NLRC3: variants seen among roughly 807,000 people sequenced by gnomAD.
The protein encoded by NLRC3 is NLR family CARD domain containing 3, also known as NLR family CARD domain-containing protein 3.
A neutral mutation model predicts 91.6 loss-of-function variants in NLRC3; 87 were observed. The ratio of observed to expected loss-of-function variants is 0.95; its 90% confidence interval spans 0.80 to 1.14. The LOEUF (loss-of-function observed/expected upper bound fraction) is 1.14, where lower values mean the gene tolerates loss of function less well. Among genes scored for constraint, NLRC3 ranks in the 50% most tolerant of loss-of-function variants. NLRC3 has a pLI of 0.00. For missense variants in NLRC3, 1,577 were observed against 1,418.6 expected, an observed-to-expected ratio of 1.11 and a Z score of -1.79; for synonymous variants, 694 against 625.3, an observed-to-expected ratio of 1.11 and a Z score of -1.64.
At chr16:3,547,672 A>G (rs530605016) in intron 15 of NLRC3, among the ~76,000 whole-genome samples, 6 of 151,458 alleles carry the variant, frequency 4.0e-5, no homozygotes, top group East Asian at 1.9e-4. Flanking sequence ...ATATGTGTGT[A>G]TATATATATA....
intron 14 of NLRC3, 137 bp downstream of exon 14, chr16:3,548,533 A>C (rs112125781): frequency 2.7e-5 from 18 of 665,786 alleles, no homozygotes; most frequent in African/African-American, 2.2e-4. Flanking sequence ...TGCTGGCAGC[A>C]GGCTAGCCCG....
chr16:3,543,388 T>C, intron 17 of NLRC3, 37 bp downstream of exon 17: 1 of 1,413,628 alleles, frequency 7.1e-7, no homozygotes, highest in East Asian at 2.3e-5. Context: ...TTGATTTCTT[T>C]GGGCTAAAGA....
intron 6 of NLRC3, 65 bp downstream of exon 6, chr16:3,561,637 T>C (rs1293711776): frequency 2.7e-6 from 3 of 1,111,530 alleles, no homozygotes; most frequent in Admixed American, 3.5e-5. Context: ...CAGAGGATGA[T>C]GGGAAGAGGG....
At chr16:3,570,166 A>C (rs1317772811) in intron 1 of NLRC3, among the ~76,000 whole-genome samples, 1 of 149,368 alleles carries the variant, frequency 6.7e-6, no homozygotes, top group Admixed American at 6.7e-5. Flanking sequence ...GGTAGTTTAC[A>C]CTTTTTTTTT....
chr16:3,569,388 A>ATTTT (rs1567153849), intron 1 of NLRC3, among the ~76,000 whole-genome samples: 3 of 104,122 alleles, frequency 2.9e-5, no homozygotes, highest in African/African-American at 9.3e-5. Flanking sequence ...ATATATATAT[A>ATTTT]TATATATTAT....
intron 1 of NLRC3, among the ~76,000 whole-genome samples, chr16:3,569,628 C>T (rs1179262678): frequency 1.3e-5 from 2 of 151,730 alleles, no homozygotes; most frequent in East Asian, 3.9e-4. Context: ...GAACTCCTGA[C>T]CTCAAGTGAT....
chr16:3,549,901 G>A, intron 11 of NLRC3, 121 bp from the exon 12 acceptor site: 1 of 637,162 alleles, frequency 1.6e-6, no homozygotes, highest in South Asian at 1.9e-5. Context: ...AGGGACAGTG[G>A]TGGCCACACT....
In NLRC3 at chr16:3,564,591, C is replaced by T. The variant is rs762408513; in HGVS notation, c.346G>A (p.Gly116Arg). The part of the protein sequence containing the change: ...FTQVEATRGG[G>R]HPARTVALDR... ...AGGGCGACGGTCCTGGCGGGGTGCC[C>T]GCCCCCGCGGGTGGCCTCCACCTGT... Residue 116 changes from glycine to arginine, a missense_variant, in exon 5 of 20, where the codon GGG (glycine) becomes AGG (arginine). Physicochemically the swap from Gly to Arg is moderately radical, Grantham distance 125 (BLOSUM62 -2). Transcript: ENST00000359128. This position sits in a 1 kb window ranked among gnomAD's most constrained non-coding sequence, Gnocchi z 5.9. 2.8e-5 allele frequency: 45 copies of T among 1,611,316 alleles called. No homozygotes were observed. The highest frequency in any genetic ancestry group is 8.9e-5 in the East Asian group (4 of 44,862).
At position 3,546,691 on chromosome 16, in the gene NLRC3, C is replaced by G. The variant is rs2038709701; in HGVS notation, c.2771+1444G>C. Among the ~76,000 whole-genome samples the G allele has an allele frequency of 3.3e-5, 5 of 152,322 alleles. No homozygotes were observed. In the South Asian group the frequency reaches 6.2e-4, roughly 19 times the overall value. On this transcript the variant is annotated intron_variant, in intron 15 of 19. Transcript: ENST00000359128. Reference sequence around the variant, plus strand: ...TTTCAGGAGAGAGAATGCAGGGACCCTGCACCCGAGCAAGATCCCGAAGGG... The same window carrying G: ...TTTCAGGAGAGAGAATGCAGGGACCGTGCACCCGAGCAAGATCCCGAAGGG...
intron 12 of NLRC3, among the ~76,000 whole-genome samples, 158 bp from the exon 13 acceptor site, chr16:3,549,383 G>A (rs560953668): frequency 6.6e-6 from 1 of 152,324 alleles, no homozygotes; most frequent in East Asian, 1.9e-4. Context: ...GCCAGTGCTA[G>A]TGAGCCAGTG....
intron 5 of NLRC3, 36 bp from the exon 6 acceptor site, chr16:3,561,824 C>T: frequency 1.3e-6 from 2 of 1,528,784 alleles, no homozygotes; most frequent in South Asian, 2.2e-5. Flanking sequence ...AGTGTCCCAC[C>T]CGCCCACGGG....
chr16:3,548,693 T>C lies in NLRC3; in HGVS notation c.2664A>G (p.Glu888=). Residue 888 remains glutamate, a synonymous_variant, in exon 14 of 20, where the codon GAA becomes GAG. Transcript: ENST00000359128. The stretch of plus-strand genomic sequence containing the variant: ...ACTGAAGGGAGGTGAGGGTGCGGTT[T>C]TCTCTCACTGCCACTGCGATGGCCC... ...GARAIAVAVR[E]NRTLTSLHLQ... The C allele has an allele frequency of 3.1e-6, 5 of 1,597,114 alleles. No individual in the cohort carries two copies. Among genetic ancestry groups the C allele is most frequent in the African/African-American group, 1.3e-5 (1 of 74,820 alleles).
Position 3,563,302 on chromosome 16 carries a change from C to G in NLRC3, c.1635G>C (p.Gln545His). The G allele has an allele frequency of 6.2e-7, 1 of 1,601,166 alleles. No homozygotes were observed. The highest frequency in any genetic ancestry group is 8.5e-7 in the Non-Finnish European group (1 of 1,174,780). The stretch of plus-strand genomic sequence containing the variant: ...GGCAGCCCTGCAGGAGCTCAGCCAC[C>G]TGGGTCCGGTAGGCCTGGTGCTCGC... Reference protein sequence around the residue: ...AQGEHQAYRTQVAELLQGCLR... With the variant: ...AQGEHQAYRTHVAELLQGCLR... The change falls in exon 5 of 20, where the codon CAG becomes CAC. Residue 545 changes from glutamine (Q) to histidine (H), a missense_variant. Transcript: ENST00000359128.
At position 3,565,072 on chromosome 16, in the gene NLRC3, G is replaced by C. The variant is rs767224617; in HGVS notation, c.-24-12C>G. The stretch of plus-strand genomic sequence containing the variant: ...ATCACCTCCAGGAGCTGTGAAGAGA[G>C]GGCCTGAACCTGCTGCCTGCCGTGC... On this transcript the variant is annotated splice_polypyrimidine_tract_variant and intron_variant, in intron 3 of 19. Transcript: ENST00000359128. 8 of 1,594,142 alleles carry C rather than the reference G, an allele frequency of 5.0e-6. No individual in the cohort carries two copies. Among genetic ancestry groups the C allele is most frequent in the Non-Finnish European group, 6.8e-6 (8 of 1,171,766 alleles).
At chr16:3,553,753 T>A (rs1322603302) in intron 9 of NLRC3, among the ~76,000 whole-genome samples, 3 of 150,840 alleles carry the variant, frequency 2.0e-5, no homozygotes, top group South Asian at 4.2e-4. Context: ...ATTTTAATTT[T>A]ATTTTTTTTT....
In NLRC3 at chr16:3,567,343, T is replaced by A. The variant is rs1376841888; in HGVS notation, c.-168-19A>T. On this transcript the variant is annotated intron_variant, in intron 1 of 19. Transcript: ENST00000359128. ...CACAGTTCTAGGAGAAAAAACACAA[T>A]GTGGCCAGCAGAGGTGATGGCTCAC... is the stretch of plus-strand genomic sequence containing the variant. The A allele has an allele frequency of 1.3e-5, 2 of 152,142 alleles. No homozygotes were observed. Among genetic ancestry groups the A allele is most frequent in the Non-Finnish European group, 2.9e-5 (2 of 68,042 alleles). The allele number at this position is 152,142 out of a possible 1,614,324, so 9.4% of individuals were successfully genotyped here. A position where few individuals can be genotyped will look rare whatever the true frequency, so the allele number is the denominator to read the frequency against.
chr16:3,572,007 T>C (rs980015041), intron 1 of NLRC3, among the ~76,000 whole-genome samples: 1 of 151,750 alleles, frequency 6.6e-6, no homozygotes, highest in Non-Finnish European at 1.5e-5. Context: ...AAAGAAAAAC[T>C]ATAAGCCAGG....
chr16:3,565,441 G>A, intron 2 of NLRC3, 61 bp from the exon 3 acceptor site: 1 of 282,994 alleles, frequency 3.5e-6, no homozygotes, highest in Non-Finnish European at 6.9e-6. Flanking sequence ...ATGAAAGAAG[G>A]TACTCTGTTG....
chr16:3,564,123 A>T lies in NLRC3; in HGVS notation c.814T>A (p.Ser272Thr). The T allele has an allele frequency of 1.2e-6, 2 of 1,613,668 alleles. No individual in the cohort carries two copies. The highest frequency in any genetic ancestry group is 1.7e-6 in the Non-Finnish European group (2 of 1,179,860). Reference sequence around the variant, plus strand: ...ACCAGGCCCCCTGGGATCTGGCCAGATGCACTGGGACGGGAGGTGATCCAG... The same window carrying T: ...ACCAGGCCCCCTGGGATCTGGCCAGTTGCACTGGGACGGGAGGTGATCCAG... ...SIWITSRPSA[S>T]GQIPGGLVDR... is the part of the protein sequence containing the mutation. The change falls in exon 5 of 20, where the codon TCT becomes ACT. Residue 272 changes from serine (S) to threonine (T), a missense_variant. By Grantham distance (58) the Ser-to-Thr change is moderately conservative. Coordinates refer to ENST00000359128, the MANE Select transcript of NLRC3 (RefSeq NM_178844.4). The surrounding 1 kb of genome is among the most constrained non-coding windows in gnomAD (Gnocchi z 5.9).
Sources: gnomAD v4.1 joint callset for allele counts (sites outside exome capture counted in the v4.1 genomes callset) on GRCh38, gnomAD v4.1.1 for gene constraint, Gnocchi (gnomAD v3.1) non-coding constraint, MANE v1.5 for transcripts, NCBI Gene and HGNC (gene_info 2026-07-23, HGNC 2026-07-21) for gene names.